BFSP2: variants seen among roughly 807,000 people sequenced by gnomAD.
BFSP2 encodes phakinin.
Under a neutral mutation model 44.9 loss-of-function variants are expected in BFSP2, and 38 were observed. The observed-to-expected ratio is 0.85, with a 90% confidence interval of 0.65 to 1.11. The LOEUF is 1.11. Among genes scored for constraint, BFSP2 ranks in the 50% least tolerant of loss-of-function variants. BFSP2 has a pLI of 0.00. For missense variants in BFSP2, 525 were observed against 533.0 expected (o/e 0.99, Z 0.15); for synonymous variants, 197 against 209.9 (o/e 0.94, Z 0.53).
chr3:133,462,179 C>T (rs896962595), intron 4 of BFSP2, among the ~76,000 whole-genome samples: 16 of 152,172 alleles, frequency 1.1e-4, no homozygotes, highest in Non-Finnish European at 1.5e-5. Flanking sequence ...CCTATAGTTT[C>T]CATTTTAAAC....
chr3:133,400,459 G>C lies in BFSP2; in HGVS notation c.376G>C (p.Glu126Gln), dbSNP rs1052451744. The change falls in exon 1 of 7, where the codon GAG becomes CAG. Residue 126 changes from glutamate (E) to glutamine (Q), a missense_variant. Coordinates refer to ENST00000302334, the MANE Select transcript of BFSP2 (RefSeq NM_003571.4). This position sits in a 1 kb window ranked among gnomAD's most constrained non-coding sequence, Gnocchi z 4.0. ...VEYMAKVHAL[E>Q]QVSQELETQL... Reference sequence around the variant, plus strand: ...ATATATGGCCAAAGTGCACGCCCTTGAGCAAGTCAGTCAGGAGCTGGAAAC... The same window carrying C: ...ATATATGGCCAAAGTGCACGCCCTTCAGCAAGTCAGTCAGGAGCTGGAAAC... 4 of 1,613,928 alleles carry C rather than the reference G, an allele frequency of 2.5e-6. No individual in the cohort carries two copies. The highest frequency in any genetic ancestry group is 3.4e-6 in the Non-Finnish European group (4 of 1,180,048).
At chr3:133,443,737 T>C (rs1466627046) in intron 1 of BFSP2, among the ~76,000 whole-genome samples, 2 of 152,198 alleles carry the variant, frequency 1.3e-5, no homozygotes, top group Non-Finnish European at 2.9e-5. Context: ...CAAGGGAATC[T>C]TGCATCTTGC....
chr3:133,422,105 CAAAAAA>C (rs35193779), intron 1 of BFSP2, among the ~76,000 whole-genome samples: 4 of 84,110 alleles, frequency 4.8e-5, no homozygotes, highest in African/African-American at 1.2e-4. Context: ...GACTCCATCT[CAAAAAA>C]AAAAAAAAAA....
chr3:133,437,727 T>G (rs552806519), intron 1 of BFSP2, among the ~76,000 whole-genome samples: 19 of 151,986 alleles, frequency 1.3e-4, no homozygotes, highest in African/African-American at 4.3e-4. Context: ...GATTCAAACA[T>G]GGGGGTAATG....
chr3:133,451,110 C>CAAAAA (rs55964213), intron 4 of BFSP2, among the ~76,000 whole-genome samples: 1 of 95,056 alleles, frequency 1.1e-5, no homozygotes, highest in African/African-American at 4.3e-5. Context: ...GACTCTGTCT[C>CAAAAA]AAAAAAAAAA....
chr3:133,430,873 C>A (rs111350839), intron 1 of BFSP2, among the ~76,000 whole-genome samples: 8,401 of 152,174 alleles, frequency 0.055, 233 homozygotes, highest in African/African-American at 0.071. Context: ...TGGTCCGCTC[C>A]TTTTATCACC....
chr3:133,411,750 A>C (rs939758313), intron 1 of BFSP2, among the ~76,000 whole-genome samples: 4 of 152,192 alleles, frequency 2.6e-5, no homozygotes, highest in African/African-American at 9.7e-5. Context: ...AAAATAATAA[A>C]AGTATTATTA....
At chr3:133,446,092 CT>C (rs1330920117) in intron 1 of BFSP2, among the ~76,000 whole-genome samples, 1 of 152,108 alleles carries the variant, frequency 6.6e-6, no homozygotes, top group Admixed American at 6.5e-5. Flanking sequence ...CCAGGCCAAG[CT>C]GGAACAGAAA....
rs577080125 is a variant in BFSP2 at position 133,423,449 on chromosome 3, C to A, written c.489+22877C>A. On this transcript the variant is annotated intron_variant, in intron 1 of 6. Transcript: ENST00000302334. ...AAACTGTGGTAGTAATCTGCGTCATCATTTATAGTACTTAAAACAATAATA... is the reference window on the plus strand; with the variant it reads ...AAACTGTGGTAGTAATCTGCGTCATAATTTATAGTACTTAAAACAATAATA... Among the ~76,000 whole-genome samples the A allele has an allele frequency of 5.3e-5, 8 of 151,288 alleles. No individual in the cohort carries two copies. The South Asian group carries it at 1.7e-3, about 32-fold the overall frequency.
intron 1 of BFSP2, among the ~76,000 whole-genome samples, chr3:133,423,498 T>C (rs2073613449): frequency 7.1e-6 from 1 of 141,482 alleles, no homozygotes; most frequent in Admixed American, 7.6e-5. Flanking sequence ...CACAGCCCTC[T>C]GACATCACCT....
chr3:133,400,405 G>A lies in BFSP2; in HGVS notation c.322G>A (p.Val108Ile). 6.2e-7 allele frequency: 1 copy of A among 1,614,120 alleles called. No homozygotes were observed. The highest frequency in any genetic ancestry group is 1.1e-5 in the South Asian group (1 of 91,090). Residue 108 changes from valine to isoleucine, a missense_variant, in exon 1 of 7, where the codon GTT (valine) becomes ATT (isoleucine). Val to Ile is a conservative substitution (Grantham distance 29). Transcript: ENST00000302334. This position sits in a 1 kb window ranked among gnomAD's most constrained non-coding sequence, Gnocchi z 4.0. Reference sequence around the variant, plus strand: ...AGGTTTGGAGAGGGACCATGGTGCTGTTGAGGACCTAGGGGGCTGCCTGGT... The same window carrying A: ...AGGTTTGGAGAGGGACCATGGTGCTATTGAGGACCTAGGGGGCTGCCTGGT... ...APGLERDHGAVEDLGGCLVEY... is the reference protein window; with the variant it reads ...APGLERDHGAIEDLGGCLVEY...
At chr3:133,418,218 C>T (rs2073562775) in intron 1 of BFSP2, among the ~76,000 whole-genome samples, 1 of 152,066 alleles carries the variant, frequency 6.6e-6, no homozygotes, top group Non-Finnish European at 1.5e-5. Context: ...AGAGTACTTC[C>T]AGGTACCATT....
chr3:133,411,548 C>T (rs1338939501), intron 1 of BFSP2, among the ~76,000 whole-genome samples: 2 of 151,982 alleles, frequency 1.3e-5, no homozygotes, highest in Admixed American at 1.3e-4. Flanking sequence ...AACAAAAAAC[C>T]TGAATATGAT....
intron 1 of BFSP2, chr3:133,410,394 GA>G: frequency 9.9e-6 from 3 of 302,150 alleles, no homozygotes; most frequent in Non-Finnish European, 1.9e-5. Flanking sequence ...GAAGACCAGA[GA>G]AAAATGTCAG....
intron 5 of BFSP2, among the ~76,000 whole-genome samples, chr3:133,467,477 C>T (rs1016666718): frequency 2.6e-5 from 4 of 152,124 alleles, no homozygotes; most frequent in African/African-American, 9.7e-5. Flanking sequence ...TCCTCACTCC[C>T]CCTTTTCCTG....
chr3:133,421,522 A>G (rs896931060), intron 1 of BFSP2, among the ~76,000 whole-genome samples: 1 of 151,932 alleles, frequency 6.6e-6, no homozygotes, highest in African/African-American at 2.4e-5. Context: ...TAAGGATGCC[A>G]GTTACATTAG....
At chr3:133,431,572 CT>C in intron 1 of BFSP2, among the ~76,000 whole-genome samples, 1 of 152,340 alleles carries the variant, frequency 6.6e-6, no homozygotes, top group South Asian at 2.1e-4. Flanking sequence ...TGACTGACTC[CT>C]TCTTGGCTTA....
At chr3:133,442,900 C>T (rs532160587) in intron 1 of BFSP2, among the ~76,000 whole-genome samples, 11 of 151,584 alleles carry the variant, frequency 7.3e-5, no homozygotes, top group Non-Finnish European at 1.3e-4. Context: ...TCTTGTTGCC[C>T]AGGCTGGAGT....
At chr3:133,430,313 T>G (rs888710771) in intron 1 of BFSP2, among the ~76,000 whole-genome samples, 3 of 151,516 alleles carry the variant, frequency 2.0e-5, no homozygotes, top group African/African-American at 4.9e-5. Context: ...TAGTTCTAGA[T>G]CCCTGAGGAA....
Sources: allele counts gnomAD v4.1 joint callset (sites outside exome capture counted in the v4.1 genomes callset), GRCh38; gene constraint gnomAD v4.1.1; non-coding constraint Gnocchi (gnomAD v3.1); transcripts MANE v1.5; gene names NCBI Gene and HGNC (gene_info 2026-07-23, HGNC 2026-07-21).